The following NRXN3 variants were observed in gnomAD, a reference collection of about 807,000 sequenced individuals.
NRXN3 encodes neurexin III.
In NRXN3, 32 loss-of-function variants were observed where a neutral mutation model predicts 137.6. The observed-to-expected ratio is 0.23, with a 90% CI of 0.18 to 0.31. The LOEUF is 0.31. Among genes scored for constraint, NRXN3 ranks in the 10% least tolerant of loss-of-function variants. The pLI is 1.00. For missense variants in NRXN3, 1,574 were observed against 2,062.5 expected (o/e 0.76, Z 4.59); for synonymous variants, 798 against 784.5 (o/e 1.02, Z -0.29).
At position 79,088,336 on chromosome 14, in the gene NRXN3, C is replaced by G. The variant is rs1370563677; in HGVS notation, c.3262+100195C>G. ...CCCCAGGTGAAATGGGAGCCCTTTA[C>G]TACCTCCTGCTAAAGGTGGTAAATG... On this transcript the variant is annotated intron_variant, in intron 15 of 20. Transcript: ENST00000335750. Among the ~76,000 whole-genome samples, 5 of 149,486 alleles carry G rather than the reference C, an allele frequency of 3.3e-5. 1 individual carries two copies. Among genetic ancestry groups the G allele is most frequent in the African/African-American group, 1.3e-4 (5 of 38,880 alleles).
At chr14:79,567,876 A>C (rs2097564868) in intron 16 of NRXN3, among the ~76,000 whole-genome samples, 1 of 152,192 alleles carries the variant, frequency 6.6e-6, no homozygotes, top group African/African-American at 2.4e-5. Flanking sequence ...AGATAGTGTC[A>C]ACTCAGAGGT....
Position 78,471,589 on chromosome 14 carries a change from T to C in NRXN3, c.758-173531T>C, listed in dbSNP as rs142274259. Reference sequence around the variant, plus strand: ...TGGTTGGTACTGACCCTCCTGGGACTATAATAAAAACTAACCTGGGTACCA... The same window carrying C: ...TGGTTGGTACTGACCCTCCTGGGACCATAATAAAAACTAACCTGGGTACCA... On this transcript the variant is annotated intron_variant, in intron 4 of 20. Transcript: ENST00000335750. 7.1e-4 allele frequency among the ~76,000 whole-genome samples: 108 copies of C among 152,354 alleles called. 1 individual carries two copies. In the East Asian group the frequency reaches 0.017, roughly 24 times the overall value.
intron 1 of NRXN3, among the ~76,000 whole-genome samples, chr14:78,220,122 T>C (rs2063694292): frequency 6.6e-6 from 1 of 151,992 alleles, no homozygotes; most frequent in East Asian, 1.9e-4. Context: ...CTAAGGAAGG[T>C]AAATTCAGAA....
chr14:79,273,201 T>G (rs1455160043), intron 15 of NRXN3, among the ~76,000 whole-genome samples: 2,487 of 40,014 alleles, frequency 0.062, no homozygotes, highest in African/African-American at 0.073. Flanking sequence ...AAAAAAAAAA[T>G]GGGTGGGAGG....
intron 16 of NRXN3, among the ~76,000 whole-genome samples, chr14:79,618,579 GT>G (rs1341267137): frequency 6.6e-6 from 1 of 151,930 alleles, no homozygotes; most frequent in Non-Finnish European, 1.5e-5. Flanking sequence ...GTACCATATT[GT>G]TTTTATCCAA....
chr14:78,257,693 G>A lies in NRXN3; in HGVS notation c.709+13891G>A, dbSNP rs1255681861. Among the ~76,000 whole-genome samples, 3 of 152,242 alleles carry A rather than the reference G, an allele frequency of 2.0e-5. No individual in the cohort carries two copies. The East Asian group carries it at 5.8e-4, about 29-fold the overall frequency. ...GAATTGAGGCCAATGGGATAGTAAC[G>A]AGAGGATGAGTTAGGGAGGGAATGT... On this transcript the variant is annotated intron_variant, in intron 2 of 20. Coordinates refer to ENST00000335750, the MANE Select transcript of NRXN3 (RefSeq NM_001330195.2).
intron 15 of NRXN3, among the ~76,000 whole-genome samples, chr14:79,018,348 C>T (rs1413315880): frequency 1.4e-5 from 2 of 144,022 alleles, no homozygotes; most frequent in Non-Finnish European, 3.0e-5. Context: ...AAAAAAAAAT[C>T]CAAGAAACTC....
At chr14:78,613,265 A>T (rs2097315365) in intron 4 of NRXN3, among the ~76,000 whole-genome samples, 1 of 152,216 alleles carries the variant, frequency 6.6e-6, no homozygotes, top group African/African-American at 2.4e-5. Context: ...CCATTTTAGT[A>T]GTTATATTTT....
intron 4 of NRXN3, among the ~76,000 whole-genome samples, chr14:78,488,276 C>T (rs956166034): frequency 6.6e-6 from 1 of 152,150 alleles, no homozygotes; most frequent in African/African-American, 2.4e-5. Context: ...ATTCTGAGGT[C>T]CTGAAGGTTA....
At chr14:78,234,403 A>G (rs1350838030) in intron 1 of NRXN3, among the ~76,000 whole-genome samples, 1 of 152,222 alleles carries the variant, frequency 6.6e-6, no homozygotes, top group Non-Finnish European at 1.5e-5. Context: ...GTGCCTACGT[A>G]TGATAATTCA....
intron 20 of NRXN3, among the ~76,000 whole-genome samples, chr14:79,837,822 C>T (rs376586207): frequency 2.0e-5 from 3 of 152,180 alleles, no homozygotes; most frequent in South Asian, 2.1e-4. Context: ...CTAAGCTGCA[C>T]AGACATTTTC....
At chr14:78,237,448 T>C (rs2066464580) in intron 1 of NRXN3, among the ~76,000 whole-genome samples, 1 of 152,236 alleles carries the variant, frequency 6.6e-6, no homozygotes, top group East Asian at 1.9e-4. Flanking sequence ...GTTGTTTTCA[T>C]TATTAGACAA....
At chr14:78,953,754 A>AT (rs11387043) in intron 10 of NRXN3, among the ~76,000 whole-genome samples, 18,550 of 151,570 alleles carry the variant, frequency 0.12, 2,298 homozygotes, top group East Asian at 0.43. Flanking sequence ...GAATCAAAGG[A>AT]TTTTTTTTTG....
intron 16 of NRXN3, among the ~76,000 whole-genome samples, chr14:79,532,804 T>G (rs1159667295): frequency 6.6e-6 from 1 of 152,184 alleles, no homozygotes; most frequent in African/African-American, 2.4e-5. Context: ...GACTGACATC[T>G]TCAGCAAATA....
At position 79,380,152 on chromosome 14, in the gene NRXN3, T is replaced by C. The variant is rs564841416; in HGVS notation, c.3263-87069T>C. On this transcript the variant is annotated intron_variant, in intron 15 of 20. Coordinates refer to ENST00000335750, the MANE Select transcript of NRXN3 (RefSeq NM_001330195.2). Reference sequence around the variant, plus strand: ...AGGAGACCTAGATATACTTCTTCTTTTTTTTTTTTTTTTTTGGTAGATATA... The same window carrying C: ...AGGAGACCTAGATATACTTCTTCTTCTTTTTTTTTTTTTTTGGTAGATATA... Among the ~76,000 whole-genome samples the C allele has an allele frequency of 4.8e-4, 70 of 146,058 alleles. 1 individual carries two copies. The highest frequency in any genetic ancestry group is 1.1e-3 in the African/African-American group (45 of 40,654).
At chr14:78,651,039 A>G in intron 5 of NRXN3, 126 bp from the exon 6 acceptor site, 3 of 943,322 alleles carry the variant, frequency 3.2e-6, no homozygotes, top group Non-Finnish European at 3.1e-6. Context: ...AATCAAATCA[A>G]ATTAGAAAGT....
intron 15 of NRXN3, among the ~76,000 whole-genome samples, chr14:79,064,542 T>A (rs1318473281): frequency 2.6e-5 from 4 of 151,950 alleles, no homozygotes; most frequent in African/African-American, 9.7e-5. Context: ...CCTCTAGCTT[T>A]AGGGACTGGA....
chr14:79,718,653 T>C (rs746770873), intron 19 of NRXN3, among the ~76,000 whole-genome samples: 13 of 151,194 alleles, frequency 8.6e-5, no homozygotes, highest in Middle Eastern at 3.2e-3. Context: ...TCACCCTGCA[T>C]CTTGTCCTGT....
chr14:78,796,829 C>T (rs762086155), intron 8 of NRXN3, among the ~76,000 whole-genome samples: 9 of 152,038 alleles, frequency 5.9e-5, no homozygotes, highest in Admixed American at 1.3e-4. Flanking sequence ...GGTACTCTTA[C>T]TCAGGTGCTA....
Sources: gnomAD v4.1 joint callset for allele counts (sites outside exome capture counted in the v4.1 genomes callset) on GRCh38, gnomAD v4.1.1 for gene constraint, MANE v1.5 for transcripts, NCBI Gene and HGNC (gene_info 2026-07-23, HGNC 2026-07-21) for gene names.